Variants in ADK observed in about 807,000 individuals in gnomAD.
ADK encodes the protein N6,N6-dimethyladenosine kinase.
ADK carries 24 observed loss-of-function variants against 44.7 expected under a neutral mutation model. That is an observed-to-expected ratio of 0.54 (90% CI 0.39 to 0.76). The LOEUF is 0.76. Ranked by LOEUF, ADK falls within the 30% of genes least tolerant of loss-of-function variation. ADK has a pLI of 0.00. For missense variants in ADK, 321 were observed against 425.1 expected (o/e 0.76, Z 2.15); for synonymous variants, 128 against 142.6 (o/e 0.90, Z 0.73).
At chr10:74,228,690 T>C (rs1055678322) in intron 3 of ADK, among the ~76,000 whole-genome samples, 5 of 152,194 alleles carry the variant, frequency 3.3e-5, no homozygotes, top group African/African-American at 9.6e-5. Context: ...TTATTGAAAA[T>C]AGAACCATTT....
rs549767539 is a variant in ADK, at chr10:74,363,830, G to T, written c.274-30311G>T. ...AGAATGGACCACCTGAGGATCTGCTGTGGGATGGAGGTTGGCGTGCCTGTC... is the reference window on the plus strand; with the variant it reads ...AGAATGGACCACCTGAGGATCTGCTTTGGGATGGAGGTTGGCGTGCCTGTC... On this transcript the variant is annotated intron_variant, in intron 4 of 10. Transcript: ENST00000539909. Among the ~76,000 whole-genome samples, 29 of 152,334 alleles carry T rather than the reference G, an allele frequency of 1.9e-4. 1 individual carries two copies. The highest frequency in any genetic ancestry group is 7.0e-4 in the African/African-American group (29 of 41,580).
At chr10:74,500,361 A>T (rs1847847887) in intron 6 of ADK, among the ~76,000 whole-genome samples, 1 of 152,240 alleles carries the variant, frequency 6.6e-6, no homozygotes, top group East Asian at 1.9e-4. Context: ...ATTTTCCTGG[A>T]TGGATAAAAA....
chr10:74,426,091 T>C (rs1313067383), intron 6 of ADK, among the ~76,000 whole-genome samples: 1 of 152,210 alleles, frequency 6.6e-6, no homozygotes, highest in Non-Finnish European at 1.5e-5. Context: ...TCATTTTATG[T>C]GCATGTATGT....
intron 1 of ADK, among the ~76,000 whole-genome samples, chr10:74,152,573 C>T (rs927089639): frequency 6.6e-6 from 1 of 152,136 alleles, no homozygotes; most frequent in African/African-American, 2.4e-5. Context: ...TTTTCCCTAC[C>T]ATCCTACTGA....
intron 9 of ADK, among the ~76,000 whole-genome samples, chr10:74,666,070 C>G (rs1589350659): frequency 6.6e-6 from 1 of 152,100 alleles, no homozygotes; most frequent in East Asian, 1.9e-4. Flanking sequence ...CATTGAGTAA[C>G]TGGATTTGTA....
At chr10:74,575,895 G>A (rs1851167209) in intron 7 of ADK, among the ~76,000 whole-genome samples, 1 of 152,104 alleles carries the variant, frequency 6.6e-6, no homozygotes, top group Non-Finnish European at 1.5e-5. Flanking sequence ...AATTAATACA[G>A]GCCTGACCTA....
intron 10 of ADK, among the ~76,000 whole-genome samples, chr10:74,690,554 T>C (rs1268435392): frequency 6.6e-6 from 1 of 152,210 alleles, no homozygotes; most frequent in African/African-American, 2.4e-5. Context: ...ATTTTGTCTT[T>C]CCCGCTGTGT....
In ADK at chr10:74,163,245, C is replaced by A. The variant is rs549209970; in HGVS notation, c.65+11902C>A. On this transcript the variant is annotated intron_variant, in intron 1 of 10. Transcript: ENST00000539909. ...CCTCCCAAAGTGTTGGGATTACAGG[C>A]GCGAGCCACTGTGCCCGGCCAACAG... 3.9e-5 allele frequency among the ~76,000 whole-genome samples: 6 copies of A among 152,290 alleles called. No individual in the cohort carries two copies. The South Asian group carries it at 8.3e-4, about 21-fold the overall frequency.
chr10:74,224,435 A>G, intron 2 of ADK, 103 bp from the exon 3 acceptor site: 1 of 866,186 alleles, frequency 1.2e-6, no homozygotes, highest in South Asian at 1.4e-5. Context: ...CAATTAAGTC[A>G]GAGACCTATA....
chr10:74,241,090 T>C (rs890250125), intron 3 of ADK, among the ~76,000 whole-genome samples: 4 of 152,210 alleles, frequency 2.6e-5, no homozygotes, highest in African/African-American at 4.8e-5. Flanking sequence ...TAATTATCCA[T>C]TGTCAGTATT....
At chr10:74,508,328 C>T (rs1365657212) in intron 6 of ADK, 1 of 152,150 alleles carries the variant, frequency 6.6e-6, no homozygotes, top group Non-Finnish European at 1.5e-5. Context: ...AAAGAGCATA[C>T]TTTTGTTCAG....
At chr10:74,543,083 G>A (rs941739741) in intron 7 of ADK, among the ~76,000 whole-genome samples, 1 of 151,684 alleles carries the variant, frequency 6.6e-6, no homozygotes, top group Non-Finnish European at 1.5e-5. Context: ...TGTATTTTTA[G>A]TAAAGACGGG....
intron 4 of ADK, among the ~76,000 whole-genome samples, chr10:74,378,003 T>A (rs1484023102): frequency 2.0e-5 from 3 of 152,146 alleles, no homozygotes; most frequent in Admixed American, 6.5e-5. Flanking sequence ...GGAGATGAGG[T>A]GTCTCAAATT....
intron 6 of ADK, among the ~76,000 whole-genome samples, chr10:74,515,597 G>T (rs1250573598): frequency 6.6e-6 from 1 of 152,144 alleles, no homozygotes; most frequent in South Asian, 2.1e-4. Flanking sequence ...ATTATTGGGG[G>T]TAAAGGACTG....
At chr10:74,214,561 G>C (rs754434064) in intron 2 of ADK, among the ~76,000 whole-genome samples, 1 of 152,160 alleles carries the variant, frequency 6.6e-6, no homozygotes, top group African/African-American at 2.4e-5. Flanking sequence ...GCAACATTAG[G>C]CATGGCACCT....
chr10:74,600,565 C>A (rs1274421677), intron 9 of ADK, 72 bp downstream of exon 9: 5 of 839,794 alleles, frequency 6.0e-6, no homozygotes, highest in Admixed American at 4.3e-5. Flanking sequence ...ATTCTGTATT[C>A]TTTCTATTAT....
intron 5 of ADK, among the ~76,000 whole-genome samples, chr10:74,398,010 CT>C (rs1843578909): frequency 6.6e-6 from 1 of 152,126 alleles, no homozygotes; most frequent in African/African-American, 2.4e-5. Flanking sequence ...TTATAAGTGT[CT>C]TTTACGAAAT....
chr10:74,605,719 T>C (rs1852300697), intron 9 of ADK, among the ~76,000 whole-genome samples: 4 of 152,198 alleles, frequency 2.6e-5, no homozygotes, highest in Admixed American at 2.6e-4. Flanking sequence ...TTTTGTTGTC[T>C]CTGCCAGGTT....
At chr10:74,176,510 C>T (rs902120306) in intron 1 of ADK, 4 of 1,196,434 alleles carry the variant, frequency 3.3e-6, no homozygotes, top group Non-Finnish European at 3.1e-6. Context: ...GGGGCGGGCA[C>T]CCAATCTCTC....
Sources: gnomAD v4.1 joint callset for allele counts (sites outside exome capture counted in the v4.1 genomes callset) on GRCh38, gnomAD v4.1.1 for gene constraint, MANE v1.5 for transcripts, NCBI Gene and HGNC (gene_info 2026-07-23, HGNC 2026-07-21) for gene names.